Variants in BRD9 observed in about 807,000 individuals in gnomAD.
The protein encoded by BRD9 is bromodomain-containing protein 9.
In BRD9, 47 loss-of-function variants were observed where a neutral mutation model predicts 68.7. The observed-to-expected ratio is 0.68, with a 90% confidence interval of 0.54 to 0.87. The LOEUF (loss-of-function observed/expected upper bound fraction) is 0.87, where lower values mean the gene tolerates loss of function less well. Among genes scored for constraint, BRD9 ranks in the 40% least tolerant of loss-of-function variants. The pLI is 0.00. For missense variants in BRD9, 670 were observed against 748.4 expected (o/e 0.90, Z 1.22); for synonymous variants, 313 against 293.9 (o/e 1.06, Z -0.67).
rs1579919558 is a variant in BRD9, at chr5:871,702, G to T, written c.1384-138C>A. Reference sequence around the variant, plus strand: ...GCTCCCCAGTCACACCATCTTAATGGATTAAGGCTGGGGGTCCTCCAAACC... The same window carrying T: ...GCTCCCCAGTCACACCATCTTAATGTATTAAGGCTGGGGGTCCTCCAAACC... On this transcript the variant is annotated intron_variant, in intron 12 of 15. Transcript: ENST00000467963. 8 of 810,012 alleles carry T rather than the reference G, an allele frequency of 9.9e-6. No homozygotes were observed. The East Asian group carries it at 1.7e-4, about 18-fold the overall frequency. 50.2% of individuals were successfully genotyped at this position (810,012 alleles called of 1,614,324 possible).
At chr5:872,857 T>C (rs1191794637) in intron 12 of BRD9, among the ~76,000 whole-genome samples, 1 of 152,122 alleles carries the variant, frequency 6.6e-6, no homozygotes, top group East Asian at 1.9e-4. Context: ...TTGTTCCCTG[T>C]AGAAAGTAAA....
At chr5:864,657 C>T (rs1023609146) in intron 15 of BRD9, 89 bp from the exon 16 acceptor site, 6 of 1,183,438 alleles carry the variant, frequency 5.1e-6, no homozygotes, top group South Asian at 4.0e-5. Context: ...GCTTCCTGAC[C>T]TACCGCCAGG....
intron 12 of BRD9, among the ~76,000 whole-genome samples, chr5:872,921 C>T (rs1750360195): frequency 6.6e-6 from 1 of 152,194 alleles, no homozygotes; most frequent in Non-Finnish European, 1.5e-5. Flanking sequence ...TCCTACCACT[C>T]TGGGAGGCTG....
chr5:870,119 T>C (rs1749924208), intron 14 of BRD9, among the ~76,000 whole-genome samples: 1 of 152,160 alleles, frequency 6.6e-6, no homozygotes, highest in South Asian at 2.1e-4. Flanking sequence ...TCCCAGAGCC[T>C]CCAGGCGTCC....
chr5:888,773 A>G (rs1004189280), intron 5 of BRD9, among the ~76,000 whole-genome samples: 1 of 152,260 alleles, frequency 6.6e-6, no homozygotes, highest in Non-Finnish European at 1.5e-5. Flanking sequence ...ACGCCAGCGC[A>G]GTAACTTAGA....
intron 12 of BRD9, among the ~76,000 whole-genome samples, chr5:875,890 T>A (rs1750832990): frequency 6.6e-6 from 1 of 152,022 alleles, no homozygotes; most frequent in African/African-American, 2.4e-5. Flanking sequence ...AAATAGAGAG[T>A]TACGAGTGCG....
chr5:882,774 C>T (rs980369819), intron 8 of BRD9, among the ~76,000 whole-genome samples: 65 of 149,216 alleles, frequency 4.4e-4, no homozygotes, highest in African/African-American at 1.3e-3. Flanking sequence ...TCCCAACACA[C>T]GAGCCACGCA....
At chr5:888,651 C>T (rs958737732) in intron 5 of BRD9, among the ~76,000 whole-genome samples, 14 of 152,184 alleles carry the variant, frequency 9.2e-5, no homozygotes, top group African/African-American at 3.1e-4. Context: ...ACTAAATGCT[C>T]AATTAGTGTA....
chr5:890,063 G>A (rs1753131561), intron 3 of BRD9: 2 of 342,044 alleles, frequency 5.8e-6, no homozygotes, highest in South Asian at 4.6e-5. Flanking sequence ...CGGCGTGGTG[G>A]TGCGTGCCTG....
rs745515259 is a variant in BRD9 at position 881,127 on chromosome 5, G to A, written c.1022C>T (p.Thr341Met). The A allele has an allele frequency of 1.4e-5, 22 of 1,613,948 alleles. No homozygotes were observed. The highest frequency in any genetic ancestry group is 4.4e-5 in the South Asian group (4 of 91,088). ...DGSLLYSVVN[T>M]AEPDADEEET... The stretch of plus-strand genomic sequence containing the variant: ...CCCACCATCAGCGTCCGGCTCGGCC[G>A]TGTTGACCACGCTGTAGAGCAGGCT... Residue 341 changes from threonine (T) to methionine (M), a missense_variant, in exon 9 of 16, where the codon ACG becomes ATG. Physicochemically the swap from Thr to Met is moderately conservative, Grantham distance 81. Coordinates refer to ENST00000467963, the MANE Select transcript of BRD9 (RefSeq NM_023924.5).
chr5:864,563 G>T lies in BRD9; in HGVS notation c.1699C>A (p.Pro567Thr). ...TGCTCCCCGACACTCAGGCGAGAAGGGCTTCCTGCAATTTTCAGAACACAG... is the reference window on the plus strand; with the variant it reads ...TGCTCCCCGACACTCAGGCGAGAAGTGCTTCCTGCAATTTTCAGAACACAG... ...SERDQHHLGSPSRLSVGEQPD... is the reference protein window; with the variant it reads ...SERDQHHLGSTSRLSVGEQPD... The change falls in exon 16 of 16, where the codon CCT becomes ACT. Residue 567 changes from proline to threonine, a missense_variant. Coordinates refer to ENST00000467963, the MANE Select transcript of BRD9 (RefSeq NM_023924.5). The T allele has an allele frequency of 6.2e-7, 1 of 1,613,540 alleles. No individual in the cohort carries two copies.
At chr5:884,723 G>A (rs1432550626) in intron 7 of BRD9, among the ~76,000 whole-genome samples, 1 of 152,286 alleles carries the variant, frequency 6.6e-6, no homozygotes, top group Admixed American at 6.5e-5. Context: ...GCCAGGTGCA[G>A]GCCCAGGACA....
chr5:890,782 AG>A (rs570262229), intron 3 of BRD9, among the ~76,000 whole-genome samples: 13 of 152,200 alleles, frequency 8.5e-5, no homozygotes, highest in Non-Finnish European at 1.8e-4. Context: ...TTCAAGACCC[AG>A]GGCTGGCAAA....
Position 891,653 on chromosome 5 carries a change from C to T in BRD9, c.254G>A (p.Arg85Lys), listed in dbSNP as rs767141475. 176 of 1,551,358 alleles carry T rather than the reference C, an allele frequency of 1.1e-4. 1 individual carries two copies. Among genetic ancestry groups the T allele is most frequent in the South Asian group, 4.4e-4 (37 of 84,066 alleles). ...EKEKHLDDEE[R>K]RKRKEEKKRK... ...CTGCTCCTTTACCTTTCGCTTCCTT[C>T]TTTCCTCATCGTCCAGATGCTTCTC... The change falls in exon 2 of 16, where the codon AGA (arginine) becomes AAA (lysine). Residue 85 changes from arginine (R) to lysine (K), a missense_variant. By Grantham distance (26) the Arg-to-Lys change is conservative. Transcript: ENST00000467963.
At chr5:887,856 C>A (rs565702269) in intron 5 of BRD9, among the ~76,000 whole-genome samples, 1 of 152,338 alleles carries the variant, frequency 6.6e-6, no homozygotes, top group African/African-American at 2.4e-5. Flanking sequence ...ACAGTGATAG[C>A]CTCTATCTCT....
Position 889,893 on chromosome 5 carries a change from T to C in BRD9, c.401-246A>G, listed in dbSNP as rs1188261220. ...TAACCGGTAGCCCTTACATCAACAA[T>C]ATGTGGTGATCACTTAGCAATGTTT... On this transcript the variant is annotated intron_variant, in intron 3 of 15. Coordinates refer to ENST00000467963, the MANE Select transcript of BRD9 (RefSeq NM_023924.5). 4.9e-6 allele frequency: 3 copies of C among 607,894 alleles called. No homozygotes were observed. The East Asian group carries it at 1.5e-4, about 30-fold the overall frequency. The allele number at this position is 607,894 out of a possible 1,614,324, so 37.7% of individuals were successfully genotyped here.
intron 3 of BRD9, 117 bp from the exon 4 acceptor site, chr5:889,764 G>C (rs1411439378): frequency 2.0e-6 from 3 of 1,535,166 alleles, no homozygotes; most frequent in South Asian, 1.1e-5. Context: ...GTTCCACCGA[G>C]AACTGGGGAT....
At chr5:883,718 C>T (rs1464008386) in intron 8 of BRD9, 10 of 618,850 alleles carry the variant, frequency 1.6e-5, no homozygotes, top group African/African-American at 9.2e-5. Flanking sequence ...GTGGCCTCCA[C>T]GATGCATGAA....
At chr5:871,658 G>A in intron 12 of BRD9, 94 bp from the exon 13 acceptor site, 1 of 1,208,812 alleles carries the variant, frequency 8.3e-7, no homozygotes, top group Non-Finnish European at 1.2e-6. Flanking sequence ...AAAATGGCTT[G>A]TGCGCTTCTG....
Sources: gnomAD v4.1 joint callset for allele counts (sites outside exome capture counted in the v4.1 genomes callset) on GRCh38, gnomAD v4.1.1 for gene constraint, MANE v1.5 for transcripts, NCBI Gene and HGNC (gene_info 2026-07-23, HGNC 2026-07-21) for gene names.